Variants in RGS17 observed in about 807,000 individuals in gnomAD.
RGS17 encodes regulator of G-protein signaling 17.
Under a neutral mutation model 25.5 loss-of-function variants are expected in RGS17, and 12 were observed. That is an observed-to-expected ratio of 0.47 (90% CI 0.30 to 0.76). The LOEUF (loss-of-function observed/expected upper bound fraction) is 0.76. Ranked by LOEUF, RGS17 falls within the 30% of genes least tolerant of loss-of-function variation. The pLI, the probability that RGS17 is intolerant of heterozygous loss-of-function variation, is 0.07. For missense variants in RGS17, 196 were observed against 242.2 expected (o/e 0.81, Z 1.27); for synonymous variants, 71 against 76.9 (o/e 0.92, Z 0.40).
chr6:153,104,441 A>C (rs1777349798), intron 1 of RGS17, among the ~76,000 whole-genome samples: 1 of 152,260 alleles, frequency 6.6e-6, no homozygotes, highest in African/African-American at 2.4e-5. Context: ...CTCTGAATCC[A>C]GAACATGTTT....
intron 1 of RGS17, among the ~76,000 whole-genome samples, chr6:153,100,840 G>A (rs935600815): frequency 6.6e-6 from 1 of 152,146 alleles, no homozygotes; most frequent in African/African-American, 2.4e-5. Context: ...CCAAGTTTTG[G>A]CCAAAGGTGG....
At chr6:153,070,673 T>TTG (rs55655703) in intron 1 of RGS17, among the ~76,000 whole-genome samples, 4,330 of 145,042 alleles carry the variant, frequency 0.03, 88 homozygotes, top group Middle Eastern at 0.08. Flanking sequence ...ACATGGAAGA[T>TTG]TGTGTGTGTG....
intron 1 of RGS17, among the ~76,000 whole-genome samples, chr6:153,129,542 A>T (rs376375921): frequency 2.8e-4 from 43 of 152,240 alleles, no homozygotes; most frequent in African/African-American, 1.0e-3. Flanking sequence ...ATCAATTCTC[A>T]CGTCTTCAAT....
At position 153,008,614 on chromosome 6, in the gene RGS17, G is replaced by T. The variant is rs1779101797; in HGVS notation, c.*2960C>A. 1 of 152,014 alleles carries T rather than the reference G, an allele frequency of 6.6e-6. No individual in the cohort carries two copies. The highest frequency in any genetic ancestry group is 1.9e-4 in the East Asian group (1 of 5,194). The allele number at this position is 152,014 out of a possible 1,614,324, so 9.4% of individuals were successfully genotyped here. Reference sequence around the variant, plus strand: ...CTTTTATAGATACATCTAAAGTTAGGCACTATAGAAAGTGCATTAATCTCT... The same window carrying T: ...CTTTTATAGATACATCTAAAGTTAGTCACTATAGAAAGTGCATTAATCTCT... On this transcript the variant is annotated 3_prime_UTR_variant, in exon 5 of 5. Coordinates refer to ENST00000206262, the MANE Select transcript of RGS17 (RefSeq NM_012419.5).
chr6:153,033,804 T>C (rs1156470385), intron 2 of RGS17, among the ~76,000 whole-genome samples: 1 of 152,202 alleles, frequency 6.6e-6, no homozygotes, highest in Non-Finnish European at 1.5e-5. Flanking sequence ...AGTTCTCACG[T>C]TGATTAAAAT....
chr6:153,077,409 T>C (rs1020907885), intron 1 of RGS17, among the ~76,000 whole-genome samples: 11 of 152,172 alleles, frequency 7.2e-5, no homozygotes, highest in Admixed American at 1.3e-4. Context: ...GATGAGACTA[T>C]AGAATTATTG....
At chr6:153,037,199 CAG>C (rs764313302) in intron 2 of RGS17, among the ~76,000 whole-genome samples, 14,529 of 63,216 alleles carry the variant, frequency 0.23, 818 homozygotes, top group Admixed American at 0.38. Flanking sequence ...CACACACACA[CAG>C]ACACACACAC....
At chr6:153,067,827 AC>A (rs1776731684) in intron 1 of RGS17, among the ~76,000 whole-genome samples, 2 of 152,200 alleles carry the variant, frequency 1.3e-5, no homozygotes, top group Admixed American at 1.3e-4. Context: ...TTTATATGGA[AC>A]CACAAAAGAC....
intron 2 of RGS17, among the ~76,000 whole-genome samples, chr6:153,034,676 T>C (rs1208946754): frequency 1.3e-5 from 2 of 152,150 alleles, no homozygotes; most frequent in South Asian, 2.1e-4. Context: ...TCCAGTGCCA[T>C]GGGTCTTTCC....
Position 153,092,662 on chromosome 6 carries a change from T to C in RGS17, c.-26+38462A>G, listed in dbSNP as rs563276408. 6.2e-4 allele frequency among the ~76,000 whole-genome samples: 94 copies of C among 152,308 alleles called. 1 individual carries two copies. The highest frequency in any genetic ancestry group is 2.2e-3 in the African/African-American group (93 of 41,560). On this transcript the variant is annotated intron_variant, in intron 1 of 4. Transcript: ENST00000206262. ...AATACCTCTCAGCTACAGAGTCAAA[T>C]AAGACTTGGAAATGCTAGAGGTCAG...
intron 1 of RGS17, among the ~76,000 whole-genome samples, chr6:153,082,737 T>C (rs1433003020): frequency 2.0e-5 from 3 of 152,208 alleles, no homozygotes; most frequent in African/African-American, 7.2e-5. Context: ...TAGTAATCTT[T>C]CACTGGATAC....
intron 1 of RGS17, among the ~76,000 whole-genome samples, chr6:153,094,045 T>C (rs777953967): frequency 3.3e-5 from 5 of 152,032 alleles, no homozygotes; most frequent in Non-Finnish European, 5.9e-5. Flanking sequence ...TTTCCATATG[T>C]ACTATGCCTA....
intron 1 of RGS17, among the ~76,000 whole-genome samples, chr6:153,080,371 T>A (rs1364168931): frequency 6.6e-6 from 1 of 152,216 alleles, no homozygotes; most frequent in Non-Finnish European, 1.5e-5. Flanking sequence ...ATTCTTTCAA[T>A]AATTATAAGA....
chr6:153,110,162 T>C (rs2129125214), intron 1 of RGS17, among the ~76,000 whole-genome samples: 1 of 152,294 alleles, frequency 6.6e-6, no homozygotes, highest in South Asian at 2.1e-4. Flanking sequence ...AGAGTTTTGT[T>C]TGGTTCTACT....
intron 2 of RGS17, among the ~76,000 whole-genome samples, 169 bp downstream of exon 2, chr6:153,043,731 G>A (rs1013198420): frequency 2.6e-5 from 4 of 152,066 alleles, no homozygotes; most frequent in African/African-American, 9.7e-5. Context: ...TATTTTGTTT[G>A]TGAAAGTATT....
intron 1 of RGS17, among the ~76,000 whole-genome samples, chr6:153,127,847 T>C (rs990352169): frequency 1.3e-5 from 2 of 152,208 alleles, no homozygotes; most frequent in Non-Finnish European, 2.9e-5. Context: ...ATTTTAAAAA[T>C]GCAATTCTTA....
At chr6:153,038,991 C>G (rs1327653777) in intron 2 of RGS17, among the ~76,000 whole-genome samples, 1 of 152,128 alleles carries the variant, frequency 6.6e-6, no homozygotes, top group Non-Finnish European at 1.5e-5. Context: ...TTTCAAAAGG[C>G]TAGTTAATTT....
intron 4 of RGS17, among the ~76,000 whole-genome samples, chr6:153,022,891 A>G (rs1200684569): frequency 2.0e-5 from 3 of 152,164 alleles, no homozygotes; most frequent in Non-Finnish European, 2.9e-5. Flanking sequence ...CATATTTATT[A>G]CTGATGTCAC....
intron 1 of RGS17, among the ~76,000 whole-genome samples, chr6:153,054,114 G>GTATATATATATATATATATATA (rs1419620702): frequency 2.1e-5 from 1 of 48,536 alleles, no homozygotes; most frequent in African/African-American, 7.8e-5. Context: ...ATATATATAT[G>GTATATATATATATATATATATA]TGTATATATA....
Sources: gnomAD v4.1 joint callset for allele counts (sites outside exome capture counted in the v4.1 genomes callset) on GRCh38, gnomAD v4.1.1 for gene constraint, MANE v1.5 for transcripts, NCBI Gene and HGNC (gene_info 2026-07-23, HGNC 2026-07-21) for gene names.